The following VEGFC variants were observed in gnomAD, a reference collection of about 807,000 sequenced individuals.
VEGFC encodes FLT4 ligand DHM.
A neutral mutation model predicts 46.1 loss-of-function variants in VEGFC; 12 were observed. The observed-to-expected ratio is 0.26, with a 90% CI of 0.17 to 0.42. The LOEUF (loss-of-function observed/expected upper bound fraction) is 0.42, where lower values mean the gene tolerates loss of function less well. Among genes scored for constraint, VEGFC ranks in the 10% least tolerant of loss-of-function variants. The probability of loss-of-function intolerance (pLI) is 1.00; values close to 1 mark genes in which losing one functional copy is unlikely to be tolerated. For synonymous variants in VEGFC, 232 were observed against 195.5 expected (o/e 1.19, Z -1.56); for missense variants, 488 against 529.4 (o/e 0.92, Z 0.77).
At chr4:176,700,040 T>A (rs1252700335) in intron 4 of VEGFC, among the ~76,000 whole-genome samples, 1 of 152,206 alleles carries the variant, frequency 6.6e-6, no homozygotes, top group East Asian at 1.9e-4. Context: ...GTGAGTAGGA[T>A]GAATCAATGA....
At chr4:176,688,568 T>C (rs913882826) in intron 4 of VEGFC, among the ~76,000 whole-genome samples, 1 of 146,192 alleles carries the variant, frequency 6.8e-6, no homozygotes, top group Non-Finnish European at 1.5e-5. Flanking sequence ...ATTGTTGTTC[T>C]AGCTCTTTAC....
At chr4:176,736,473 C>A (rs1579113673) in intron 1 of VEGFC, among the ~76,000 whole-genome samples, 1 of 15,816 alleles carries the variant, frequency 6.3e-5, no homozygotes, top group Non-Finnish European at 1.3e-3. Flanking sequence ...ATTAGTTCTA[C>A]TATAAAAAAT....
At chr4:176,752,159 A>G (rs962784047) in intron 1 of VEGFC, among the ~76,000 whole-genome samples, 3 of 152,020 alleles carry the variant, frequency 2.0e-5, no homozygotes, top group African/African-American at 7.2e-5. Flanking sequence ...TAAATACTCC[A>G]GTATCCTCAA....
intron 1 of VEGFC, among the ~76,000 whole-genome samples, chr4:176,768,536 G>A (rs890224511): frequency 1.1e-5 from 1 of 88,576 alleles, no homozygotes; most frequent in Non-Finnish European, 2.6e-5. Context: ...TGAGTACTAT[G>A]ATATTTCGAC....
chr4:176,688,809 C>T (rs1180106739), intron 4 of VEGFC, among the ~76,000 whole-genome samples: 1 of 152,166 alleles, frequency 6.6e-6, no homozygotes, highest in Non-Finnish European at 1.5e-5. Flanking sequence ...ATCACAAGCT[C>T]AGCTTGCTCA....
At chr4:176,759,855 A>C (rs781683509) in intron 1 of VEGFC, among the ~76,000 whole-genome samples, 6 of 152,114 alleles carry the variant, frequency 3.9e-5, no homozygotes, top group Non-Finnish European at 8.8e-5. Context: ...CAGTGAAATA[A>C]ATTTAATTAT....
intron 1 of VEGFC, among the ~76,000 whole-genome samples, chr4:176,756,070 TG>T (rs777921713): frequency 9.2e-5 from 14 of 152,050 alleles, no homozygotes; most frequent in Admixed American, 2.0e-4. Flanking sequence ...CTGAAACACA[TG>T]AGCTCAAATT....
At position 176,727,774 on chromosome 4, in the gene VEGFC, C is replaced by T; in HGVS notation, c.552+4G>A. ...CGCAGGTAGCAGGAATGGGCAATAC[C>T]CACCGTCTTGCTGAGGTAGCTCGTG... On this transcript the variant is annotated splice_donor_region_variant and intron_variant, in intron 3 of 6. Transcript: ENST00000618562. 1 of 1,610,324 alleles carries T rather than the reference C, an allele frequency of 6.2e-7. No homozygotes were observed. Among genetic ancestry groups the T allele is most frequent in the Non-Finnish European group, 8.5e-7 (1 of 1,177,864 alleles).
chr4:176,784,684 C>T lies in VEGFC; in HGVS notation c.147+7481G>A, dbSNP rs1406805743. Among the ~76,000 whole-genome samples the T allele has an allele frequency of 1.3e-3, 164 of 128,474 alleles. 2 individuals carry two copies. Among genetic ancestry groups the T allele is most frequent in the African/African-American group, 4.3e-3 (150 of 35,112 alleles). 84.3% of individuals were successfully genotyped at this position (128,474 alleles called of 152,430 possible). On this transcript the variant is annotated intron_variant, in intron 1 of 6. Transcript: ENST00000618562. ...AGGAGAATGGCGTGAACCTGGGAGG[C>T]GGAGCTTGCAGTGAGCTGAGATAGC...
At chr4:176,742,096 C>G (rs1011977068) in intron 1 of VEGFC, among the ~76,000 whole-genome samples, 36 of 151,944 alleles carry the variant, frequency 2.4e-4, no homozygotes, top group African/African-American at 8.7e-4. Context: ...CTCTTTCCCC[C>G]CATTTTGGAG....
At chr4:176,718,501 ATAT>A in intron 3 of VEGFC, among the ~76,000 whole-genome samples, 1 of 152,166 alleles carries the variant, frequency 6.6e-6, no homozygotes, top group Non-Finnish European at 1.5e-5. Flanking sequence ...ATACATGCTC[ATAT>A]TATTGATTGC....
At position 176,692,337 on chromosome 4, in the gene VEGFC, T is replaced by C. The variant is rs1196518982; in HGVS notation, c.705-4410A>G. 1.2e-4 allele frequency among the ~76,000 whole-genome samples: 16 copies of C among 131,270 alleles called. 2 individuals are homozygous for C. Among genetic ancestry groups the C allele is most frequent in the Admixed American group, 5.9e-4 (8 of 13,634 alleles). 86.1% of individuals were successfully genotyped at this position (131,270 alleles called of 152,430 possible). On this transcript the variant is annotated intron_variant, in intron 4 of 6. Coordinates refer to ENST00000618562, the MANE Select transcript of VEGFC (RefSeq NM_005429.5). The stretch of plus-strand genomic sequence containing the variant: ...TGAACCCGGCAGGCGGAGCTTGCAG[T>C]GAGCCGAGATCCCGCCACTGCACTC...
intron 1 of VEGFC, among the ~76,000 whole-genome samples, chr4:176,756,004 T>C (rs1325734239): frequency 1.3e-5 from 2 of 152,016 alleles, no homozygotes; most frequent in East Asian, 3.9e-4. Flanking sequence ...ATTTGGTACA[T>C]GGGAGGGAGC....
At chr4:176,749,912 T>C (rs550522283) in intron 1 of VEGFC, among the ~76,000 whole-genome samples, 1 of 151,814 alleles carries the variant, frequency 6.6e-6, no homozygotes, top group Admixed American at 6.6e-5. Flanking sequence ...ACATATTGTG[T>C]CTCTTCATCT....
chr4:176,789,836 GC>G (rs1344926827), intron 1 of VEGFC, among the ~76,000 whole-genome samples: 1 of 152,156 alleles, frequency 6.6e-6, no homozygotes, highest in Non-Finnish European at 1.5e-5. Context: ...GGGCTGGATG[GC>G]TAACCTTGGT....
At chr4:176,780,304 C>T (rs1461004429) in intron 1 of VEGFC, among the ~76,000 whole-genome samples, 1 of 142,556 alleles carries the variant, frequency 7.0e-6, no homozygotes, top group African/African-American at 2.5e-5. Context: ...ATTGCTTGAA[C>T]CCGGGAGGCG....
intron 1 of VEGFC, among the ~76,000 whole-genome samples, chr4:176,764,156 G>A (rs1490233634): frequency 1.3e-5 from 2 of 152,180 alleles, no homozygotes; most frequent in Non-Finnish European, 2.9e-5. Context: ...CAAGCTTTCA[G>A]TTGCCAAGAT....
intron 1 of VEGFC, among the ~76,000 whole-genome samples, chr4:176,779,850 A>G (rs1222473633): frequency 3.9e-5 from 6 of 152,224 alleles, no homozygotes; most frequent in Admixed American, 3.9e-4. Flanking sequence ...TTAAACATGG[A>G]CAGAAAACAA....
intron 1 of VEGFC, among the ~76,000 whole-genome samples, chr4:176,776,594 C>T (rs1735816821): frequency 6.6e-6 from 1 of 152,172 alleles, no homozygotes; most frequent in African/African-American, 2.4e-5. Flanking sequence ...GCCAAGGCCA[C>T]CTACAGAAGA....
Sources: gnomAD v4.1 joint callset for allele counts (sites outside exome capture counted in the v4.1 genomes callset) on GRCh38, gnomAD v4.1.1 for gene constraint, MANE v1.5 for transcripts, NCBI Gene and HGNC (gene_info 2026-07-23, HGNC 2026-07-21) for gene names.